Variants in DGKB observed in about 807,000 individuals in gnomAD.
DGKB encodes diacylglycerol kinase beta, also known as 90 kDa diacylglycerol kinase.
DGKB carries 67 observed loss-of-function variants against 114.3 expected under a neutral mutation model. That is an observed-to-expected ratio of 0.59 (90% CI 0.48 to 0.72). The LOEUF (loss-of-function observed/expected upper bound fraction) is 0.72. Among genes scored for constraint, DGKB ranks in the 30% least tolerant of loss-of-function variants. The probability of loss-of-function intolerance (pLI) is 0.00; values close to 1 mark genes in which losing one functional copy is unlikely to be tolerated. For missense variants in DGKB, 907 were observed against 975.2 expected (o/e 0.93, Z 0.93); for synonymous variants, 398 against 323.1 (o/e 1.23, Z -2.49).
chr7:14,528,673 T>C (rs28720963), intron 20 of DGKB, among the ~76,000 whole-genome samples: 12,764 of 152,002 alleles, frequency 0.084, 1,505 homozygotes, highest in African/African-American at 0.26. Context: ...GAAAAAAAAC[T>C]ATCAAGACAT....
chr7:14,916,962 A>G (rs981468231), intron 1 of DGKB, among the ~76,000 whole-genome samples: 3 of 152,128 alleles, frequency 2.0e-5, no homozygotes, highest in African/African-American at 4.8e-5. Context: ...GGAACTACGC[A>G]GAAATCAATA....
intron 23 of DGKB, among the ~76,000 whole-genome samples, chr7:14,195,269 G>A (rs116648357): frequency 0.012 from 1,774 of 152,150 alleles, 42 homozygotes; most frequent in African/African-American, 0.04. Context: ...TCTATAAACT[G>A]AGCTACTTCA....
At position 14,545,726 on chromosome 7, in the gene DGKB, A is replaced by G. The variant is rs550221862; in HGVS notation, c.1770+28486T>C. On this transcript the variant is annotated intron_variant, in intron 20 of 25. Transcript: ENST00000402815. ...AATGCCCACTCTTCCCTTTCTGGGA[A>G]CGTTTATTTTTGTTAACTTGTTCCT... 6.6e-5 allele frequency among the ~76,000 whole-genome samples: 10 copies of G among 152,304 alleles called. No individual in the cohort carries two copies. In the South Asian group the frequency reaches 1.9e-3, roughly 28 times the overall value.
chr7:14,188,555 G>A (rs537517071), intron 23 of DGKB, among the ~76,000 whole-genome samples: 3 of 143,208 alleles, frequency 2.1e-5, no homozygotes, highest in Non-Finnish European at 4.6e-5. Context: ...AGCTACTTGG[G>A]AGGCTGAGGC....
chr7:14,356,224 C>T (rs548804618), intron 21 of DGKB, among the ~76,000 whole-genome samples: 84 of 152,028 alleles, frequency 5.5e-4, no homozygotes, highest in African/African-American at 1.9e-3. Flanking sequence ...TTTTCAAAAT[C>T]CAGTTCCTGG....
chr7:14,773,530 A>G (rs1425528491), intron 2 of DGKB, among the ~76,000 whole-genome samples: 1 of 152,172 alleles, frequency 6.6e-6, no homozygotes, highest in African/African-American at 2.4e-5. Flanking sequence ...AAGAGTGAGA[A>G]AAGCAAAAAA....
intron 21 of DGKB, among the ~76,000 whole-genome samples, chr7:14,448,000 T>C (rs991968714): frequency 6.6e-6 from 1 of 152,078 alleles, no homozygotes. Flanking sequence ...ACAATAAATC[T>C]CTTTGTTGAA....
chr7:14,510,442 C>T (rs527346175), intron 20 of DGKB, among the ~76,000 whole-genome samples: 1 of 152,250 alleles, frequency 6.6e-6, no homozygotes, highest in South Asian at 2.1e-4. Context: ...ACCAACTCCC[C>T]ATTCATTCAT....
intron 1 of DGKB, among the ~76,000 whole-genome samples, chr7:14,901,616 C>CA: frequency 7.0e-6 from 1 of 142,966 alleles, no homozygotes; most frequent in East Asian, 2.3e-4. Flanking sequence ...CCCCCCCCCA[C>CA]CCCCCACTGC....
chr7:14,452,380 T>A (rs1010079889), intron 21 of DGKB, among the ~76,000 whole-genome samples: 11 of 152,064 alleles, frequency 7.2e-5, no homozygotes, highest in African/African-American at 2.7e-4. Context: ...AAATATATTT[T>A]AAAATAATAT....
chr7:14,219,024 A>G (rs1367574196), intron 23 of DGKB, among the ~76,000 whole-genome samples: 1 of 151,932 alleles, frequency 6.6e-6, no homozygotes, highest in Non-Finnish European at 1.5e-5. Context: ...ATCATAGAAT[A>G]TGTAGTATTT....
chr7:14,901,605 A>ATCCCCC (rs1562855781), intron 1 of DGKB, among the ~76,000 whole-genome samples: 1 of 123,094 alleles, frequency 8.1e-6, no homozygotes, highest in Non-Finnish European at 1.7e-5. Flanking sequence ...AGGGATTTCC[A>ATCCCCC]CCCCCCCCCA....
At chr7:14,519,298 C>A (rs1043881278) in intron 20 of DGKB, among the ~76,000 whole-genome samples, 3 of 151,986 alleles carry the variant, frequency 2.0e-5, no homozygotes, top group Admixed American at 6.6e-5. Flanking sequence ...AAATTTTTTT[C>A]TGTATAAATG....
chr7:14,714,636 T>A (rs1827897942), intron 6 of DGKB, among the ~76,000 whole-genome samples: 1 of 152,050 alleles, frequency 6.6e-6, no homozygotes, highest in Admixed American at 6.6e-5. Flanking sequence ...AAAAACATTA[T>A]CTGGATTAAT....
chr7:14,199,134 T>G (rs1268574311), intron 23 of DGKB, among the ~76,000 whole-genome samples: 1 of 152,064 alleles, frequency 6.6e-6, no homozygotes, highest in Non-Finnish European at 1.5e-5. Flanking sequence ...TTGCTCATTC[T>G]CTTTCTCCCC....
chr7:14,342,698 G>T (rs1811805448), intron 22 of DGKB, among the ~76,000 whole-genome samples: 1 of 151,722 alleles, frequency 6.6e-6, no homozygotes, highest in South Asian at 2.1e-4. Flanking sequence ...GTATCATAAG[G>T]TTTTGATAAA....
At chr7:14,851,014 T>C (rs1562715427) in intron 1 of DGKB, among the ~76,000 whole-genome samples, 1 of 152,172 alleles carries the variant, frequency 6.6e-6, no homozygotes, top group Non-Finnish European at 1.5e-5. Flanking sequence ...AGAAATAGCA[T>C]GTGCACAGTA....
chr7:14,550,799 TA>T (rs1184802242), intron 20 of DGKB, among the ~76,000 whole-genome samples: 10 of 151,960 alleles, frequency 6.6e-5, no homozygotes, highest in East Asian at 1.9e-4. Flanking sequence ...ATCAAACTAA[TA>T]AAAAATGACA....
At chr7:14,414,687 G>A (rs893074552) in intron 21 of DGKB, among the ~76,000 whole-genome samples, 2 of 152,088 alleles carry the variant, frequency 1.3e-5, no homozygotes, top group South Asian at 2.1e-4. Context: ...TGTCTCTAGA[G>A]CATAACATTA....
Sources: allele counts gnomAD v4.1 joint callset (sites outside exome capture counted in the v4.1 genomes callset), GRCh38; gene constraint gnomAD v4.1.1; transcripts MANE v1.5; gene names NCBI Gene and HGNC (gene_info 2026-07-23, HGNC 2026-07-21).